MSH3: variants seen among roughly 807,000 people sequenced by gnomAD.
The protein encoded by MSH3 is DNA mismatch repair protein Msh3.
MSH3 carries 106 observed loss-of-function variants against 123.3 expected under a neutral mutation model. The observed-to-expected ratio is 0.86, with a 90% CI of 0.73 to 1.01. MSH3 has a LOEUF of 1.01. Among genes scored for constraint, MSH3 ranks in the 50% least tolerant of loss-of-function variants. The probability of loss-of-function intolerance (pLI) is 0.00; values close to 1 mark genes in which losing one functional copy is unlikely to be tolerated. For synonymous variants in MSH3, 515 were observed against 481.4 expected, an observed-to-expected ratio of 1.07 and a Z score of -0.91; for missense variants, 1,459 against 1,347.6, an observed-to-expected ratio of 1.08 and a Z score of -1.29.
At chr5:80,806,319 A>T (rs1009284839) in intron 19 of MSH3, among the ~76,000 whole-genome samples, 1 of 150,688 alleles carries the variant, frequency 6.6e-6, no homozygotes. Context: ...CTGCTCTCGA[A>T]CTCCTGACCT....
At chr5:80,722,724 A>G (rs939180918) in intron 8 of MSH3, among the ~76,000 whole-genome samples, 2 of 152,256 alleles carry the variant, frequency 1.3e-5, no homozygotes, top group Non-Finnish European at 2.9e-5. Flanking sequence ...ATAGACATGA[A>G]TAGAAGAATA....
intron 13 of MSH3, among the ~76,000 whole-genome samples, chr5:80,761,925 T>C (rs1283347511): frequency 2.6e-5 from 4 of 152,176 alleles, no homozygotes; most frequent in Middle Eastern, 3.2e-3. Flanking sequence ...CCTTCTGTTA[T>C]AATATAGGGT....
intron 10 of MSH3, among the ~76,000 whole-genome samples, chr5:80,738,432 A>G (rs568302199): frequency 4.7e-4 from 71 of 152,346 alleles, no homozygotes; most frequent in African/African-American, 1.6e-3. Context: ...TAATAGGGAC[A>G]GTTCACTTTT....
At chr5:80,669,095 C>T (rs1412901909) in intron 3 of MSH3, among the ~76,000 whole-genome samples, 1 of 152,204 alleles carries the variant, frequency 6.6e-6, no homozygotes, top group African/African-American at 2.4e-5. Context: ...TGGAGGTTTG[C>T]TGGACTGCAC....
rs764449914 is a variant in MSH3 at position 80,692,118 on chromosome 5, TTAGA to T, written c.1340+13036_1340+13039del. 3.8e-3 allele frequency among the ~76,000 whole-genome samples: 301 copies of T among 78,458 alleles called. 1 individual carries two copies. The highest frequency in any genetic ancestry group is 4.4e-3 in the Non-Finnish European group (144 of 32,876). 51.5% of individuals were successfully genotyped at this position (78,458 alleles called of 152,430 possible). A position where few individuals can be genotyped will look rare whatever the true frequency, so the allele number is the denominator to read the frequency against. On this transcript the variant is annotated intron_variant, in intron 8 of 23. Transcript: ENST00000265081. Reference sequence around the variant, plus strand: ...GATAGATAGATAAACATGTATATGTTTAGATAGATAGATAAACATGTATATGTTT... The same window carrying T: ...GATAGATAGATAAACATGTATATGTTTAGATAGATAAACATGTATATGTTT...
chr5:80,869,056 G>T (rs957159338), intron 22 of MSH3, among the ~76,000 whole-genome samples: 1 of 152,108 alleles, frequency 6.6e-6, no homozygotes. Flanking sequence ...GATGTGATAG[G>T]TAAAACAATG....
intron 15 of MSH3, among the ~76,000 whole-genome samples, chr5:80,773,671 C>G (rs1229748338): frequency 1.3e-5 from 2 of 152,188 alleles, no homozygotes; most frequent in East Asian, 3.8e-4. Flanking sequence ...TCATAGCTCT[C>G]TCAAGATGAC....
intron 10 of MSH3, 104 bp downstream of exon 10, chr5:80,729,069 A>G: frequency 2.7e-6 from 2 of 738,212 alleles, no homozygotes; most frequent in Non-Finnish European, 4.8e-6. Context: ...CCTGCTATTG[A>G]TAGAATACTA....
rs1192783960 is a variant in MSH3, at chr5:80,784,212, C to CAAAAAAAAAAAAAAAAAAAAAAAAAAA, written c.2436-3352_2436-3326dup. Among the ~76,000 whole-genome samples the CAAAAAAAAAAAAAAAAAAAAAAAAAAA allele has an allele frequency of 7.5e-4, 9 of 11,992 alleles. 2 individuals are homozygous for CAAAAAAAAAAAAAAAAAAAAAAAAAAA. The highest frequency in any genetic ancestry group is 3.8e-3 in the Admixed American group (3 of 794). The allele number at this position is 11,992 out of a possible 152,430, so 7.9% of individuals were successfully genotyped here. ...GCGAAAGAGCGAGACTACTACGTCG[C>CAAAAAAAAAAAAAAAAAAAAAAAAAAA]AAAAAAAAAAAAAAAAAAAAAAAAA... is the stretch of plus-strand genomic sequence containing the variant. On this transcript the variant is annotated intron_variant, in intron 17 of 23. Coordinates refer to ENST00000265081, the MANE Select transcript of MSH3 (RefSeq NM_002439.5).
chr5:80,656,668 G>C (rs1210888352), intron 2 of MSH3, 137 bp downstream of exon 2: 1 of 1,142,182 alleles, frequency 8.8e-7, no homozygotes, highest in Non-Finnish European at 1.3e-6. Context: ...GAGCAGAGTG[G>C]CCCCCTATAG....
At chr5:80,868,899 A>G (rs1048606810) in intron 22 of MSH3, among the ~76,000 whole-genome samples, 1 of 152,114 alleles carries the variant, frequency 6.6e-6, no homozygotes, top group African/African-American at 2.4e-5. Context: ...GCTGCCTTCC[A>G]ATATTGTTCC....
At chr5:80,728,993 A>AG (rs772511711) in intron 10 of MSH3, 28 bp downstream of exon 10, 3 of 1,224,688 alleles carry the variant, frequency 2.4e-6, no homozygotes, top group South Asian at 1.2e-5. Flanking sequence ...AATTAAAAAA[A>AG]GGGGGAGCTT....
At chr5:80,668,699 G>T (rs1466107981) in intron 3 of MSH3, among the ~76,000 whole-genome samples, 1 of 152,136 alleles carries the variant, frequency 6.6e-6, no homozygotes, top group East Asian at 1.9e-4. Context: ...CCCTTTCTGG[G>T]CCCTTGAGAT....
At chr5:80,657,861 CTT>C (rs1611028) in intron 2 of MSH3, among the ~76,000 whole-genome samples, 41,137 of 151,662 alleles carry the variant, frequency 0.27, 6,876 homozygotes, top group East Asian at 0.6. Context: ...GGAGGCGTGA[CTT>C]GAGAGAATTT....
At position 80,768,962 on chromosome 5, in the gene MSH3, A is replaced by T. The variant is rs1580035037; in HGVS notation, c.2212A>T (p.Lys738Ter). ...MHLQEIRKIL[K>*]NPSAQYVTVS... is the part of the protein sequence containing the mutation. Reference sequence around the variant, plus strand: ...TTTGCAAGAAATACGAAAAATACTAAAAAATCCTTCTGCACAATATGTGAC... The same window carrying T: ...TTTGCAAGAAATACGAAAAATACTATAAAATCCTTCTGCACAATATGTGAC... Residue 738 changes from lysine to a stop codon, truncating the protein, a stop_gained, in exon 15 of 24, where the codon AAA (lysine) becomes TAA (stop). Coordinates refer to ENST00000265081, the MANE Select transcript of MSH3 (RefSeq NM_002439.5). LOFTEE classifies it high-confidence loss of function. 6.2e-7 allele frequency: 1 copy of T among 1,613,010 alleles called. No homozygotes were observed. Among genetic ancestry groups the T allele is most frequent in the Non-Finnish European group, 8.5e-7 (1 of 1,179,350 alleles).
chr5:80,803,311 G>C (rs1267703107), intron 19 of MSH3, among the ~76,000 whole-genome samples: 1 of 151,978 alleles, frequency 6.6e-6, no homozygotes, highest in African/African-American at 2.4e-5. Flanking sequence ...ATTTCGATTT[G>C]CATTTCTCTG....
At chr5:80,872,118 A>G (rs1746224502) in intron 22 of MSH3, among the ~76,000 whole-genome samples, 1 of 152,196 alleles carries the variant, frequency 6.6e-6, no homozygotes, top group African/African-American at 2.4e-5. Flanking sequence ...AAACCAGACC[A>G]TCTTAATCCT....
At chr5:80,695,503 T>C (rs2112834069) in intron 8 of MSH3, among the ~76,000 whole-genome samples, 2 of 152,124 alleles carry the variant, frequency 1.3e-5, no homozygotes, top group South Asian at 4.1e-4. Flanking sequence ...CCCAGCTAAT[T>C]TTTGTATTTT....
chr5:80,763,744 T>C (rs967326337), intron 13 of MSH3, among the ~76,000 whole-genome samples: 18 of 152,254 alleles, frequency 1.2e-4, no homozygotes, highest in African/African-American at 4.1e-4. Flanking sequence ...GTGATTTCTA[T>C]TCCACCTTCC....
Sources: gnomAD v4.1 joint callset for allele counts (sites outside exome capture counted in the v4.1 genomes callset) on GRCh38, gnomAD v4.1.1 for gene constraint, MANE v1.5 for transcripts, NCBI Gene and HGNC (gene_info 2026-07-23, HGNC 2026-07-21) for gene names.